EGFLAM: variants seen among roughly 807,000 people sequenced by gnomAD.
EGFLAM encodes pikachurin.
Under a neutral mutation model 113.1 loss-of-function variants are expected in EGFLAM, and 79 were observed. That is an observed-to-expected ratio of 0.70 (90% CI 0.58 to 0.84). The LOEUF is 0.84. Ranked by LOEUF, EGFLAM falls within the 40% of genes least tolerant of loss-of-function variation. EGFLAM has a pLI of 0.00. For missense variants in EGFLAM, 1,265 were observed against 1,291.6 expected, an observed-to-expected ratio of 0.98 and a Z score of 0.32; for synonymous variants, 504 against 487.6, an observed-to-expected ratio of 1.03 and a Z score of -0.44.
chr5:38,386,087 T>C (rs1298650269), intron 6 of EGFLAM, among the ~76,000 whole-genome samples: 12 of 152,226 alleles, frequency 7.9e-5, no homozygotes, highest in Non-Finnish European at 1.8e-4. Context: ...GGCCTACCAT[T>C]GTACATGGGT....
chr5:38,304,085 C>T (rs1054090493), intron 1 of EGFLAM, among the ~76,000 whole-genome samples: 9 of 150,432 alleles, frequency 6.0e-5, no homozygotes, highest in Non-Finnish European at 8.9e-5. Flanking sequence ...GCCAAGGTCA[C>T]GCCATTGCGC....
intron 18 of EGFLAM, 133 bp downstream of exon 18, chr5:38,448,512 G>A: frequency 1.2e-6 from 1 of 833,020 alleles, no homozygotes; most frequent in East Asian, 2.5e-5. Context: ...GGCCTCAGGG[G>A]AAAAACACAC....
intron 1 of EGFLAM, among the ~76,000 whole-genome samples, chr5:38,292,121 A>T (rs1758350820): frequency 6.6e-6 from 1 of 152,228 alleles, no homozygotes. Context: ...ACCAAAGATA[A>T]GTGGCCTTTC....
intron 1 of EGFLAM, among the ~76,000 whole-genome samples, chr5:38,277,409 T>C (rs113198608): frequency 0.013 from 1,917 of 152,282 alleles, 38 homozygotes; most frequent in African/African-American, 0.043. Flanking sequence ...AGATGGAATG[T>C]ACCTCAACAT....
At chr5:38,428,385 C>T (rs764136047) in intron 14 of EGFLAM, among the ~76,000 whole-genome samples, 2 of 152,196 alleles carry the variant, frequency 1.3e-5, no homozygotes, top group African/African-American at 2.4e-5. Flanking sequence ...AATTCCTGCA[C>T]ATCAGTGACA....
intron 3 of EGFLAM, among the ~76,000 whole-genome samples, chr5:38,339,703 G>A (rs1054090668): frequency 5.3e-5 from 8 of 152,160 alleles, no homozygotes; most frequent in African/African-American, 1.4e-4. Flanking sequence ...ATACATTAGC[G>A]AGTAACAGCA....
intron 1 of EGFLAM, among the ~76,000 whole-genome samples, chr5:38,312,402 T>C (rs1285837267): frequency 2.6e-5 from 4 of 152,050 alleles, no homozygotes; most frequent in East Asian, 1.9e-4. Context: ...CCACCTCGCC[T>C]GGCTAATTTT....
chr5:38,450,149 C>T (rs1268428289), intron 18 of EGFLAM, among the ~76,000 whole-genome samples: 1 of 152,216 alleles, frequency 6.6e-6, no homozygotes, highest in African/African-American at 2.4e-5. Flanking sequence ...GCCCCTAAAC[C>T]AATCACTGGC....
intron 6 of EGFLAM, chr5:38,399,679 A>G (rs968761275): frequency 3.3e-5 from 5 of 152,188 alleles, no homozygotes; most frequent in African/African-American, 9.6e-5. Context: ...AGGCAGGGAA[A>G]GCGGTTGGAC....
At chr5:38,330,201 C>G (rs1739005146) in intron 1 of EGFLAM, among the ~76,000 whole-genome samples, 1 of 152,052 alleles carries the variant, frequency 6.6e-6, no homozygotes, top group Admixed American at 6.5e-5. Context: ...TATCTTGTAG[C>G]CAATATTCTG....
intron 1 of EGFLAM, among the ~76,000 whole-genome samples, chr5:38,304,218 TAA>T (rs1397235867): frequency 6.6e-6 from 1 of 151,592 alleles, no homozygotes; most frequent in Admixed American, 6.6e-5. Context: ...GGAATTCCCA[TAA>T]ATTCTCAGAG....
intron 13 of EGFLAM, among the ~76,000 whole-genome samples, chr5:38,426,321 TAAC>T (rs748574094): frequency 6.6e-6 from 1 of 151,982 alleles, no homozygotes; most frequent in Non-Finnish European, 1.5e-5. Context: ...AGGCAAATAA[TAAC>T]AGAAAATTTC....
intron 6 of EGFLAM, among the ~76,000 whole-genome samples, chr5:38,382,029 T>G (rs1740523370): frequency 1.3e-5 from 2 of 152,178 alleles, no homozygotes; most frequent in African/African-American, 2.4e-5. Flanking sequence ...GAGAAACCAT[T>G]GCAGTAATTG....
At chr5:38,386,744 A>T (rs1025928938) in intron 6 of EGFLAM, among the ~76,000 whole-genome samples, 3 of 152,066 alleles carry the variant, frequency 2.0e-5, no homozygotes, top group African/African-American at 4.8e-5. Context: ...TGACCTTGTG[A>T]TCTGCCCGCC....
intron 11 of EGFLAM, among the ~76,000 whole-genome samples, chr5:38,417,356 A>AAC (rs1561080106): frequency 4.0e-5 from 5 of 124,848 alleles, no homozygotes; most frequent in Non-Finnish European, 7.3e-5. Flanking sequence ...TCAAAAAAAA[A>AAC]AAAAAAAAAA....
intron 17 of EGFLAM, among the ~76,000 whole-genome samples, chr5:38,440,019 G>A (rs993120078): frequency 1.3e-5 from 2 of 152,138 alleles, no homozygotes; most frequent in Non-Finnish European, 2.9e-5. Context: ...AACATTAGTC[G>A]TAACAGGGAT....
At chr5:38,457,862 T>C (rs1743140090) in intron 19 of EGFLAM, among the ~76,000 whole-genome samples, 1 of 151,410 alleles carries the variant, frequency 6.6e-6, no homozygotes, top group African/African-American at 2.4e-5. Context: ...AAAAGACAAA[T>C]ACTCTATGAT....
At chr5:38,443,769 CTT>C (rs11320853) in intron 17 of EGFLAM, among the ~76,000 whole-genome samples, 100 of 133,216 alleles carry the variant, frequency 7.5e-4, no homozygotes, top group African/African-American at 1.2e-3. Flanking sequence ...CCCTTCAACT[CTT>C]TTTTTTTTTT....
intron 1 of EGFLAM, among the ~76,000 whole-genome samples, chr5:38,264,748 G>A (rs1274711103): frequency 1.3e-5 from 2 of 152,274 alleles, no homozygotes; most frequent in Non-Finnish European, 2.9e-5. Flanking sequence ...TCCCAGTGCT[G>A]ATTCAGGCTG....
Sources: allele counts gnomAD v4.1 joint callset (sites outside exome capture counted in the v4.1 genomes callset), GRCh38; gene constraint gnomAD v4.1.1; transcripts MANE v1.5; gene names NCBI Gene and HGNC (gene_info 2026-07-23, HGNC 2026-07-21).